Variants in GRHL2 observed in about 807,000 individuals in gnomAD.
GRHL2 encodes the protein grainyhead-like protein 2 homolog.
A neutral mutation model predicts 83.8 loss-of-function variants in GRHL2; 21 were observed. The observed-to-expected ratio is 0.25, with a 90% CI of 0.18 to 0.36. The LOEUF (loss-of-function observed/expected upper bound fraction) is 0.36, where lower values mean the gene tolerates loss of function less well. Among genes scored for constraint, GRHL2 ranks in the 10% least tolerant of loss-of-function variants. The pLI, the probability that GRHL2 is intolerant of heterozygous loss-of-function variation, is 1.00. For missense variants in GRHL2, 623 were observed against 781.8 expected (o/e 0.80, Z 2.42); for synonymous variants, 280 against 278.9 (o/e 1.00, Z -0.04).
intron 7 of GRHL2, 116 bp from the exon 8 acceptor site, chr8:101,598,941 A>T (rs1440518019): frequency 4.1e-6 from 3 of 724,202 alleles, no homozygotes; most frequent in Non-Finnish European, 7.5e-6. Flanking sequence ...GTTAGCATGG[A>T]GATAGCCTGA....
chr8:101,542,852 A>G (rs1811183169), intron 1 of GRHL2: 3 of 457,594 alleles, frequency 6.6e-6, no homozygotes, highest in East Asian at 6.9e-5. Context: ...TTCAGTCACA[A>G]TGAACCCACT....
chr8:101,603,627 C>A (rs1812563589), intron 8 of GRHL2, among the ~76,000 whole-genome samples: 2 of 152,322 alleles, frequency 1.3e-5, no homozygotes, highest in East Asian at 1.9e-4. Flanking sequence ...GTGTCCATTG[C>A]AGGCGGATTC....
intron 3 of GRHL2, among the ~76,000 whole-genome samples, chr8:101,553,001 C>G (rs1418911816): frequency 6.6e-6 from 1 of 152,184 alleles, no homozygotes; most frequent in African/African-American, 2.4e-5. Context: ...TCAGATACCC[C>G]TCTTCAGATT....
At chr8:101,519,801 G>C (rs2052193576) in intron 1 of GRHL2, among the ~76,000 whole-genome samples, 1 of 151,862 alleles carries the variant, frequency 6.6e-6, no homozygotes, top group East Asian at 1.9e-4. Context: ...ACAGATAAAA[G>C]GCTTTCTCCC....
Position 101,652,998 on chromosome 8 carries a change from T to C in GRHL2, c.1698+3499T>C, listed in dbSNP as rs138101905. On this transcript the variant is annotated intron_variant, in intron 14 of 15. Transcript: ENST00000646743. Reference sequence around the variant, plus strand: ...TTCCATTATGTAATATCCTATGAATTTGAAATTTCGGAGGAGGCACAGCAT... The same window carrying C: ...TTCCATTATGTAATATCCTATGAATCTGAAATTTCGGAGGAGGCACAGCAT... 4.0e-3 allele frequency among the ~76,000 whole-genome samples: 604 copies of C among 152,322 alleles called. 8 individuals carry two copies. The highest frequency in any genetic ancestry group is 0.014 in the African/African-American group (577 of 41,554).
At chr8:101,578,337 G>T (rs1031923137) in intron 7 of GRHL2, among the ~76,000 whole-genome samples, 1 of 152,132 alleles carries the variant, frequency 6.6e-6, no homozygotes, top group Non-Finnish European at 1.5e-5. Flanking sequence ...CAGAATTGCT[G>T]CCAGAGACAT....
intron 6 of GRHL2, among the ~76,000 whole-genome samples, chr8:101,576,766 T>G (rs1811941320): frequency 6.6e-6 from 1 of 152,206 alleles, no homozygotes; most frequent in Admixed American, 6.5e-5. Flanking sequence ...GAATTCTTAT[T>G]TCTGCAAGAT....
intron 9 of GRHL2, among the ~76,000 whole-genome samples, chr8:101,629,976 T>C (rs1445200670): frequency 6.6e-6 from 1 of 152,154 alleles, no homozygotes; most frequent in Non-Finnish European, 1.5e-5. Context: ...CAAAACTTCA[T>C]ATGAAGCACT....
chr8:101,636,248 A>G (rs1015746774), intron 11 of GRHL2, among the ~76,000 whole-genome samples: 1 of 152,218 alleles, frequency 6.6e-6, no homozygotes, highest in African/African-American at 2.4e-5. Context: ...TGCCATGCCA[A>G]CTACCTAAAG....
At chr8:101,663,716 T>C (rs1041205348) in intron 14 of GRHL2, among the ~76,000 whole-genome samples, 1 of 152,134 alleles carries the variant, frequency 6.6e-6, no homozygotes, top group Admixed American at 6.5e-5. Context: ...CATTTTTTTA[T>C]ATGCTCATTG....
At chr8:101,664,172 A>G (rs987457679) in intron 14 of GRHL2, among the ~76,000 whole-genome samples, 5 of 152,182 alleles carry the variant, frequency 3.3e-5, no homozygotes, top group African/African-American at 1.2e-4. Flanking sequence ...GATGGCTACT[A>G]TTTCATCCAA....
At chr8:101,601,501 C>G (rs1291828821) in intron 8 of GRHL2, among the ~76,000 whole-genome samples, 1 of 152,116 alleles carries the variant, frequency 6.6e-6, no homozygotes, top group African/African-American at 2.4e-5. Flanking sequence ...TAAGCAGGAG[C>G]TTACTTTCCT....
At chr8:101,673,609 A>T (rs1205755573), downstream of GRHL2, among the ~76,000 whole-genome samples, 3 of 150,694 alleles carry the variant, frequency 2.0e-5, no homozygotes, top group Non-Finnish European at 3.0e-5. Context: ...CGACTCCCAC[A>T]CAACTTTGAC....
In GRHL2 at chr8:101,644,333, G is replaced by A. The variant is rs200188021; in HGVS notation, c.1612+108G>A. ...GCCCCCATGGCTCTGTGCCAGCCTGGTGACTTTCTCTTCACACAGGAAGTC... is the reference window on the plus strand; with the variant it reads ...GCCCCCATGGCTCTGTGCCAGCCTGATGACTTTCTCTTCACACAGGAAGTC... On this transcript the variant is annotated intron_variant, in intron 13 of 15. Coordinates refer to ENST00000646743, the MANE Select transcript of GRHL2 (RefSeq NM_024915.4). 237 of 834,356 alleles carry A rather than the reference G, an allele frequency of 2.8e-4. 3 individuals are homozygous for A. In the East Asian group the frequency reaches 6.2e-3, roughly 22 times the overall value. 51.7% of individuals were successfully genotyped at this position (834,356 alleles called of 1,614,324 possible).
intron 1 of GRHL2, chr8:101,528,814 G>T: frequency 3.0e-6 from 1 of 337,890 alleles, no homozygotes. Context: ...GGAGATTGAA[G>T]AGCCATTCAA....
chr8:101,517,804 A>G (rs557670014), intron 1 of GRHL2, among the ~76,000 whole-genome samples: 1 of 152,212 alleles, frequency 6.6e-6, no homozygotes, highest in Non-Finnish European at 1.5e-5. Flanking sequence ...TTAAGGCTTT[A>G]TGCTTCTTGC....
Position 101,669,562 on chromosome 8 carries a change from T to C in GRHL2, c.*2859T>C, listed in dbSNP as rs994427657. On this transcript the variant is annotated 3_prime_UTR_variant, in exon 16 of 16. Coordinates refer to ENST00000646743, the MANE Select transcript of GRHL2 (RefSeq NM_024915.4). Reference sequence around the variant, plus strand: ...TTTCTTAAAGACAAGCAAGGGAGATTGATATATGTACAATTTGCTCTCATG... The same window carrying C: ...TTTCTTAAAGACAAGCAAGGGAGATCGATATATGTACAATTTGCTCTCATG... 2.6e-5 allele frequency: 4 copies of C among 152,308 alleles called. No homozygotes were observed. Among genetic ancestry groups the C allele is most frequent in the African/African-American group, 9.7e-5 (4 of 41,320 alleles). The allele number at this position is 152,308 out of a possible 1,614,324, so 9.4% of individuals were successfully genotyped here.
chr8:101,669,149 G>GAT lies in GRHL2; in HGVS notation c.*2448_*2449dup, dbSNP rs543204270. ...TTTCCTGAGCGAAACACTCCAAAGA[G>GAT]ATAGGAAAACTTGCCGCCTCTTCTT... On this transcript the variant is annotated 3_prime_UTR_variant, in exon 16 of 16. Coordinates refer to ENST00000646743, the MANE Select transcript of GRHL2 (RefSeq NM_024915.4). The GAT allele has an allele frequency of 7.9e-5, 12 of 152,072 alleles. No homozygotes were observed. In the East Asian group the frequency reaches 2.3e-3, roughly 29 times the overall value. The allele number at this position is 152,072 out of a possible 1,614,324, so 9.4% of individuals were successfully genotyped here.
chr8:101,503,535 G>A (rs775176257), intron 1 of GRHL2, among the ~76,000 whole-genome samples: 5 of 152,176 alleles, frequency 3.3e-5, no homozygotes, highest in Non-Finnish European at 7.3e-5. Context: ...TAAACTTTCT[G>A]GAAGGCAGTT....
Sources: allele counts gnomAD v4.1 joint callset (sites outside exome capture counted in the v4.1 genomes callset), GRCh38; gene constraint gnomAD v4.1.1; transcripts MANE v1.5; gene names NCBI Gene and HGNC (gene_info 2026-07-23, HGNC 2026-07-21).